Variants in AMPD3 observed in about 807,000 individuals in gnomAD.
AMPD3 encodes AMP deaminase 3.
In AMPD3, 57 loss-of-function variants were observed where a neutral mutation model predicts 82.3. The ratio of observed to expected loss-of-function variants is 0.69; its 90% CI spans 0.56 to 0.86. AMPD3 has a LOEUF of 0.86. Ranked by LOEUF, AMPD3 falls within the 40% of genes least tolerant of loss-of-function variation. The pLI, the probability that AMPD3 is intolerant of heterozygous loss-of-function variation, is 0.00. For synonymous variants in AMPD3, 381 were observed against 394.7 expected, an observed-to-expected ratio of 0.97 and a Z score of 0.41; for missense variants, 870 against 1,003.8, an observed-to-expected ratio of 0.87 and a Z score of 1.80.
intron 8 of AMPD3, 47 bp downstream of exon 8, chr11:10,495,077 C>T (rs1849353509): frequency 6.2e-7 from 1 of 1,613,542 alleles, no homozygotes; most frequent in African/African-American, 1.3e-5. Flanking sequence ...TGCCTCCCAA[C>T]ATCTGCCTTC....
rs1310037822 is a variant in AMPD3 at position 10,505,845 on chromosome 11, T to C, written c.2265T>C (p.Asp755=). ...GCAATGAGCTCAGCTTCCTGTCTGA[T>C]GCTATGAAATCAGAAGAGATCACCG... ...TLCNELSFLS[D]AMKSEEITAL... The change falls in exon 15 of 15, where the codon GAT becomes GAC. Residue 755 remains aspartate (D), a synonymous_variant. Transcript: ENST00000396553. The C allele has an allele frequency of 1.9e-6, 3 of 1,614,206 alleles. No individual in the cohort carries two copies. Among genetic ancestry groups the C allele is most frequent in the South Asian group, 1.1e-5 (1 of 91,090 alleles).
At chr11:10,461,065 C>T (rs564863119) in intron 1 of AMPD3, 204 of 1,164,078 alleles carry the variant, frequency 1.8e-4, no homozygotes, top group African/African-American at 1.3e-3. Context: ...TAATCTTGTG[C>T]GACCTTAGCT....
rs1052970378 is a variant in AMPD3, at chr11:10,496,819, T to C, written c.1438T>C (p.Phe480Leu). The change falls in exon 10 of 15, where the codon TTT (phenylalanine) becomes CTT (leucine). Residue 480 changes from phenylalanine to leucine, a missense_variant. By Grantham distance (22) the Phe-to-Leu change is conservative. Transcript: ENST00000396553. ...IIQVPRIYDI[F>L]RSKKLLPNFG... ...GTCTTTGCTGTCCCCCAGTGACATA[T>C]TTAGGTCAAAGAAGCTGCTGCCAAA... is the stretch of plus-strand genomic sequence containing the variant. 1 of 1,613,998 alleles carries C rather than the reference T, an allele frequency of 6.2e-7. No individual in the cohort carries two copies. The highest frequency in any genetic ancestry group is 1.7e-5 in the Admixed American group (1 of 59,996).
intron 8 of AMPD3, 82 bp downstream of exon 8, chr11:10,495,112 CT>C (rs1849355076): frequency 1.9e-6 from 3 of 1,611,998 alleles, no homozygotes; most frequent in Non-Finnish European, 1.7e-6. Flanking sequence ...CTGTGTGCCC[CT>C]GGCCCCTTCC....
chr11:10,485,740 G>T (rs1042066989), intron 5 of AMPD3, among the ~76,000 whole-genome samples: 13 of 140,306 alleles, frequency 9.3e-5, no homozygotes, highest in Non-Finnish European at 1.7e-4. Flanking sequence ...TTCTGGAGGG[G>T]AGCATGCAGG....
chr11:10,452,757 T>C (rs1847992362), upstream of AMPD3, among the ~76,000 whole-genome samples: 1 of 152,224 alleles, frequency 6.6e-6, no homozygotes, highest in African/African-American at 2.4e-5. Flanking sequence ...AAACACATAC[T>C]CTATGCCAGG....
chr11:10,495,021 G>A lies in AMPD3; in HGVS notation c.1257G>A (p.Arg419=). 1 of 1,614,178 alleles carries A rather than the reference G, an allele frequency of 6.2e-7. No individual in the cohort carries two copies. Among genetic ancestry groups the A allele is most frequent in the Non-Finnish European group, 8.5e-7 (1 of 1,180,006 alleles). Residue 419 remains arginine, a synonymous_variant, in exon 8 of 15, where the codon CGG becomes CGA. Transcript: ENST00000396553. ...ENYLGGEYFA[R]MVKEVARELE... ...ATCTGGGAGGAGAGTACTTTGCTCG[G>A]ATGGTCAAGGTGAGTGAACCCTCAG...
In AMPD3 at chr11:10,461,714, G is replaced by A; in HGVS notation, c.195G>A (p.Glu65=). 1 of 1,613,694 alleles carries A rather than the reference G, an allele frequency of 6.2e-7. No individual in the cohort carries two copies. The highest frequency in any genetic ancestry group is 1.1e-5 in the South Asian group (1 of 91,048). ...GGGAGCTGCAGAAGGAGCTGGCAGA[G>A]CAGAAGTCTGTGGAGACCGCAAAAA... ...KERELQKELA[E]QKSVETAKRK... Residue 65 remains glutamate, a synonymous_variant, in exon 2 of 15, where the codon GAG becomes GAA. Coordinates refer to ENST00000396553, the MANE Select transcript of AMPD3 (RefSeq NM_001025389.2).
At chr11:10,453,253 AG>A (rs1022247331), upstream of AMPD3, among the ~76,000 whole-genome samples, 2 of 152,182 alleles carry the variant, frequency 1.3e-5, no homozygotes, top group African/African-American at 4.8e-5. Flanking sequence ...ACTCAGCCTG[AG>A]TCTACGTTTT....
intron 10 of AMPD3, chr11:10,497,697 G>C: frequency 1.0e-6 from 1 of 985,070 alleles, no homozygotes; most frequent in Non-Finnish European, 1.2e-6. Context: ...CTGTTGTGTG[G>C]AGTTGGCCCA....
At chr11:10,487,185 G>C (rs1159051141) in intron 5 of AMPD3, 50 bp from the exon 6 acceptor site, 1 of 1,612,114 alleles carries the variant, frequency 6.2e-7, no homozygotes, top group Non-Finnish European at 8.5e-7. Flanking sequence ...CTCCAAACTG[G>C]AGAGCTCGAT....
At chr11:10,498,079 T>A (rs1849471217) in intron 10 of AMPD3, among the ~76,000 whole-genome samples, 1 of 152,226 alleles carries the variant, frequency 6.6e-6, no homozygotes, top group Non-Finnish European at 1.5e-5. Context: ...CCAGGCAGGC[T>A]GACTCCAGCG....
At chr11:10,481,812 C>G (rs1848915308) in intron 3 of AMPD3, 1 of 529,852 alleles carries the variant, frequency 1.9e-6, no homozygotes, top group South Asian at 2.0e-5. Flanking sequence ...TGGGGCTGGT[C>G]ACATGTCTGC....
chr11:10,461,868 A>G, intron 2 of AMPD3, 128 bp downstream of exon 2: 2 of 869,150 alleles, frequency 2.3e-6, no homozygotes, highest in South Asian at 2.9e-5. Flanking sequence ...TGGTTCCTTA[A>G]CCAAGACCAC....
intron 6 of AMPD3, among the ~76,000 whole-genome samples, chr11:10,492,354 C>A (rs561837210): frequency 3.3e-4 from 50 of 152,338 alleles, no homozygotes; most frequent in African/African-American, 1.2e-3. Context: ...AGTAGAGTGG[C>A]TTCTTCTTGG....
intron 4 of AMPD3, 75 bp from the exon 5 acceptor site, chr11:10,484,745 G>T: frequency 6.4e-7 from 1 of 1,552,478 alleles, no homozygotes; most frequent in Non-Finnish European, 8.9e-7. Flanking sequence ...GCCAGCGCAG[G>T]CCTCCGTGTC....
rs1040363193 is a variant in AMPD3 at position 10,501,522 on chromosome 11, T to C, written c.1774T>C (p.Ser592Pro). 1.9e-6 allele frequency: 3 copies of C among 1,614,114 alleles called. No homozygotes were observed. Among genetic ancestry groups the C allele is most frequent in the South Asian group, 1.1e-5 (1 of 91,076 alleles). Residue 592 changes from serine to proline, a missense_variant, in exon 12 of 15, where the codon TCC (serine) becomes CCC (proline). Ser to Pro is a moderately conservative substitution (Grantham distance 74, BLOSUM62 -1). Coordinates refer to ENST00000396553, the MANE Select transcript of AMPD3 (RefSeq NM_001025389.2). ...LFRPHCGEAG[S>P]ITHLVSAFLT... Reference sequence around the variant, plus strand: ...CCGGCCGCACTGTGGGGAAGCCGGCTCCATCACCCACCTGGTGTCTGCCTT... The same window carrying C: ...CCGGCCGCACTGTGGGGAAGCCGGCCCCATCACCCACCTGGTGTCTGCCTT...
chr11:10,478,338 C>T (rs1237691673), intron 2 of AMPD3, 188 bp from the exon 3 acceptor site: 2 of 985,188 alleles, frequency 2.0e-6, no homozygotes, highest in Non-Finnish European at 2.4e-6. Flanking sequence ...GTCTGGAGGG[C>T]CGTGTTCTAT....
chr11:10,465,819 G>GTTTTTT (rs61540424), intron 2 of AMPD3, among the ~76,000 whole-genome samples: 1 of 132,132 alleles, frequency 7.6e-6, no homozygotes, highest in Admixed American at 7.6e-5. Context: ...AGCTGCAGGA[G>GTTTTTT]TTTTTTTTTT....
Sources: allele counts gnomAD v4.1 joint callset (sites outside exome capture counted in the v4.1 genomes callset), GRCh38; gene constraint gnomAD v4.1.1; transcripts MANE v1.5; gene names NCBI Gene and HGNC (gene_info 2026-07-23, HGNC 2026-07-21).